The following KIF13B variants were observed in gnomAD, a reference collection of about 807,000 sequenced individuals.
KIF13B encodes kinesin family member 13B.
KIF13B carries 127 observed loss-of-function variants against 222.0 expected under a neutral mutation model. That is an observed-to-expected ratio of 0.57 (90% CI 0.50 to 0.66). The LOEUF is 0.66. Ranked by LOEUF, KIF13B falls within the 30% of genes least tolerant of loss-of-function variation. The pLI, the probability that KIF13B is intolerant of heterozygous loss-of-function variation, is 0.00. For missense variants in KIF13B, 2,173 were observed against 2,379.0 expected (o/e 0.91, Z 1.80); for synonymous variants, 976 against 919.0 (o/e 1.06, Z -1.12).
intron 10 of KIF13B, among the ~76,000 whole-genome samples, chr8:29,171,581 G>A (rs954363429): frequency 2.6e-5 from 4 of 151,222 alleles, no homozygotes; most frequent in Non-Finnish European, 5.9e-5. Flanking sequence ...AAAGCAACAG[G>A]GACCTAAAAC....
intron 2 of KIF13B, among the ~76,000 whole-genome samples, chr8:29,234,157 A>T (rs1815403717): frequency 6.6e-6 from 1 of 151,970 alleles, no homozygotes; most frequent in African/African-American, 2.4e-5. Flanking sequence ...CAACAATTCC[A>T]CTCCTGGGTC....
At chr8:29,167,298 C>T (rs186170020) in intron 11 of KIF13B, 75 bp downstream of exon 11, 1 of 1,255,690 alleles carries the variant, frequency 8.0e-7, no homozygotes, top group Admixed American at 1.9e-5. Context: ...CCTCACAGCC[C>T]AGGGGAAGGA....
intron 36 of KIF13B, among the ~76,000 whole-genome samples, chr8:29,096,698 A>G (rs1033677088): frequency 1.3e-5 from 2 of 152,134 alleles, no homozygotes; most frequent in Non-Finnish European, 2.9e-5. Flanking sequence ...GAACAGGTCA[A>G]TGACTTACAC....
intron 32 of KIF13B, among the ~76,000 whole-genome samples, chr8:29,112,561 T>C (rs1238042787): frequency 6.6e-6 from 1 of 152,182 alleles, no homozygotes; most frequent in Non-Finnish European, 1.5e-5. Context: ...CTGGTGTTGA[T>C]GGCATGGTAT....
At chr8:29,172,088 T>TC (rs1812269582) in intron 10 of KIF13B, among the ~76,000 whole-genome samples, 1 of 144,514 alleles carries the variant, frequency 6.9e-6, no homozygotes, top group Non-Finnish European at 1.5e-5. Flanking sequence ...TTTTCTTTTT[T>TC]TTTTTTTTTT....
At chr8:29,164,942 G>C (rs1365083537) in intron 12 of KIF13B, among the ~76,000 whole-genome samples, 1 of 151,930 alleles carries the variant, frequency 6.6e-6, no homozygotes, top group Non-Finnish European at 1.5e-5. Flanking sequence ...CCACCTCCCG[G>C]GTTCAAGCGA....
chr8:29,227,478 TG>T lies in KIF13B; in HGVS notation c.149+17867del, dbSNP rs1457297742. Among the ~76,000 whole-genome samples, 9 of 152,238 alleles carry T rather than the reference TG, an allele frequency of 5.9e-5. No individual in the cohort carries two copies. The East Asian group carries it at 1.7e-3, about 29-fold the overall frequency. Reference sequence around the variant, plus strand: ...CTAATTTTTGTATTTTTAGTAGAGATGGGGTTTCACCATGTTGGACAGGCTG... The same window carrying T: ...CTAATTTTTGTATTTTTAGTAGAGATGGGTTTCACCATGTTGGACAGGCTG... On this transcript the variant is annotated intron_variant, in intron 2 of 39. Coordinates refer to ENST00000524189, the MANE Select transcript of KIF13B (RefSeq NM_015254.4).
intron 9 of KIF13B, among the ~76,000 whole-genome samples, chr8:29,176,452 CT>C (rs1206411782): frequency 5.3e-5 from 8 of 152,158 alleles, no homozygotes; most frequent in Non-Finnish European, 1.2e-4. Context: ...AACCATGTAT[CT>C]TTAAGAAAGG....
At chr8:29,131,108 G>T (rs570179846) in intron 23 of KIF13B, among the ~76,000 whole-genome samples, 5 of 152,192 alleles carry the variant, frequency 3.3e-5, no homozygotes, top group South Asian at 2.1e-4. Flanking sequence ...TTATAAGTGG[G>T]AGCTAAACAC....
intron 1 of KIF13B, among the ~76,000 whole-genome samples, chr8:29,255,093 TAG>T (rs904331008): frequency 2.0e-5 from 3 of 152,150 alleles, no homozygotes; most frequent in Non-Finnish European, 4.4e-5. Context: ...AGCAAATCCA[TAG>T]AGTCAGGAAG....
Position 29,069,960 on chromosome 8 carries a change from AC to A in KIF13B, c.*543del, listed in dbSNP as rs1459954070. The A allele has an allele frequency of 6.6e-6, 1 of 152,426 alleles. No homozygotes were observed. Among genetic ancestry groups the A allele is most frequent in the African/African-American group, 2.5e-5 (1 of 40,714 alleles). The allele number at this position is 152,426 out of a possible 1,614,324, so 9.4% of individuals were successfully genotyped here. A position where few individuals can be genotyped will look rare whatever the true frequency, so the allele number is the denominator to read the frequency against. On this transcript the variant is annotated 3_prime_UTR_variant, in exon 40 of 40. Coordinates refer to ENST00000524189, the MANE Select transcript of KIF13B (RefSeq NM_015254.4). ...AGGGCCCTCCAGAGGCACTTGTGGA[AC>A]CTGGGACCAGGGTGGGAGGCTGGGG...
chr8:29,223,177 AAC>A (rs1491155439), intron 2 of KIF13B, among the ~76,000 whole-genome samples: 12 of 149,132 alleles, frequency 8.0e-5, no homozygotes, highest in Non-Finnish European at 1.0e-4. Context: ...AAAAAAAAAA[AAC>A]AAAAAAAAAA....
chr8:29,237,987 C>A (rs895672989), intron 2 of KIF13B, among the ~76,000 whole-genome samples: 6 of 152,060 alleles, frequency 3.9e-5, no homozygotes, highest in African/African-American at 7.2e-5. Flanking sequence ...GAGGAAGAGC[C>A]CCATTATGAA....
At chr8:29,211,787 C>T (rs530549299) in intron 2 of KIF13B, among the ~76,000 whole-genome samples, 32 of 152,268 alleles carry the variant, frequency 2.1e-4, no homozygotes, top group African/African-American at 7.7e-4. Context: ...GGTATAGAGC[C>T]CAGAATTGCT....
Position 29,245,640 on chromosome 8 carries a change from G to A in KIF13B, c.56-201C>T, listed in dbSNP as rs114818675. ...ACATCACACTTAATGGTGAAGGACT[G>A]GGCAGCTTCCCACCCTACATCAGGA... On this transcript the variant is annotated intron_variant, in intron 1 of 39. Transcript: ENST00000524189. 2.0e-3 allele frequency among the ~76,000 whole-genome samples: 304 copies of A among 152,294 alleles called. 1 individual carries two copies. Among genetic ancestry groups the A allele is most frequent in the African/African-American group, 7.0e-3 (292 of 41,556 alleles).
At chr8:29,108,007 T>C in intron 35 of KIF13B, 132 bp downstream of exon 35, 1 of 708,464 alleles carries the variant, frequency 1.4e-6, no homozygotes, top group Non-Finnish European at 2.4e-6. Flanking sequence ...TAAAACACTT[T>C]CAAGTAAGTT....
chr8:29,218,242 C>T (rs1814582374), intron 2 of KIF13B, among the ~76,000 whole-genome samples: 1 of 152,200 alleles, frequency 6.6e-6, no homozygotes, highest in South Asian at 2.1e-4. Flanking sequence ...TAGCCCAGTG[C>T]CTGCCAAATT....
At chr8:29,133,787 T>C (rs1198983843) in intron 22 of KIF13B, among the ~76,000 whole-genome samples, 2 of 152,224 alleles carry the variant, frequency 1.3e-5, no homozygotes, top group Non-Finnish European at 2.9e-5. Context: ...AGTAACCTAA[T>C]ATAGGACATA....
chr8:29,239,729 C>T (rs1310802519), intron 2 of KIF13B, among the ~76,000 whole-genome samples: 5 of 152,336 alleles, frequency 3.3e-5, no homozygotes, highest in African/African-American at 1.2e-4. Context: ...GTGGCACGAT[C>T]TTGGCTAACT....
Sources: gnomAD v4.1 joint callset for allele counts (sites outside exome capture counted in the v4.1 genomes callset) on GRCh38, gnomAD v4.1.1 for gene constraint, MANE v1.5 for transcripts, NCBI Gene and HGNC (gene_info 2026-07-23, HGNC 2026-07-21) for gene names.